AHCYL2: variants seen among roughly 807,000 people sequenced by gnomAD.
The protein encoded by AHCYL2 is S-adenosylhomocysteine hydrolase-like protein 2.
A neutral mutation model predicts 81.4 loss-of-function variants in AHCYL2; 28 were observed. The observed-to-expected ratio is 0.34, with a 90% CI of 0.25 to 0.47. AHCYL2 has a LOEUF of 0.47. AHCYL2 is among the 20% of genes least tolerant of loss of function. The probability of loss-of-function intolerance (pLI) is 1.00; values close to 1 mark genes in which losing one functional copy is unlikely to be tolerated. For synonymous variants in AHCYL2, 272 were observed against 290.2 expected (o/e 0.94, Z 0.64); for missense variants, 551 against 785.1 (o/e 0.70, Z 3.56).
chr7:129,379,861 A>G, intron 2 of AHCYL2, 112 bp downstream of exon 2: 1 of 725,956 alleles, frequency 1.4e-6, no homozygotes, highest in Non-Finnish European at 2.1e-6. Flanking sequence ...TGCTTTGAAT[A>G]AATACTTCGA....
intron 1 of AHCYL2, among the ~76,000 whole-genome samples, chr7:129,233,221 C>G (rs1794511038): frequency 6.6e-6 from 1 of 152,156 alleles, no homozygotes; most frequent in African/African-American, 2.4e-5. Context: ...GTCTCCCTCT[C>G]TCACCCAGGC....
At chr7:129,258,667 G>A (rs1795515064) in intron 1 of AHCYL2, among the ~76,000 whole-genome samples, 1 of 151,558 alleles carries the variant, frequency 6.6e-6, no homozygotes, top group African/African-American at 2.4e-5. Flanking sequence ...AGAATGGAGT[G>A]TAGGAAACAA....
At chr7:129,263,801 A>G (rs1219653210) in intron 1 of AHCYL2, among the ~76,000 whole-genome samples, 1 of 152,212 alleles carries the variant, frequency 6.6e-6, no homozygotes, top group Admixed American at 6.5e-5. Flanking sequence ...TTGTGTAGAA[A>G]GAATTTTTAG....
At chr7:129,299,369 G>GTTTTTTTTTTTTTTTTTTT (rs71162592) in intron 1 of AHCYL2, among the ~76,000 whole-genome samples, 2 of 46,306 alleles carry the variant, frequency 4.3e-5, no homozygotes, top group African/African-American at 8.2e-5. Flanking sequence ...AGTCCAACTT[G>GTTTTTTTTTTTTTTTTTTT]TTTTTTTTTT....
intron 1 of AHCYL2, among the ~76,000 whole-genome samples, chr7:129,260,933 C>T (rs574217129): frequency 3.3e-5 from 5 of 152,254 alleles, no homozygotes; most frequent in South Asian, 2.1e-4. Flanking sequence ...GGATTACAGG[C>T]GTACGCCACC....
intron 1 of AHCYL2, among the ~76,000 whole-genome samples, chr7:129,266,729 G>A (rs1361851848): frequency 6.6e-6 from 1 of 152,078 alleles, no homozygotes; most frequent in Non-Finnish European, 1.5e-5. Context: ...ATCCAAAGCT[G>A]AATAAAATAT....
chr7:129,321,460 T>G (rs961523459), intron 1 of AHCYL2, among the ~76,000 whole-genome samples: 1 of 152,210 alleles, frequency 6.6e-6, no homozygotes, highest in African/African-American at 2.4e-5. Context: ...TAGTAAGTTA[T>G]ATTGATTGAT....
intron 1 of AHCYL2, among the ~76,000 whole-genome samples, chr7:129,292,640 A>G (rs1796907188): frequency 6.6e-6 from 1 of 152,008 alleles, no homozygotes; most frequent in African/African-American, 2.4e-5. Context: ...GGTGGCACAC[A>G]CCAGTAATCC....
At chr7:129,318,448 A>G (rs1346487506) in intron 1 of AHCYL2, among the ~76,000 whole-genome samples, 1 of 152,220 alleles carries the variant, frequency 6.6e-6, no homozygotes, top group Non-Finnish European at 1.5e-5. Context: ...TCAAAATTAT[A>G]TTCCTTAAAA....
chr7:129,299,369 G>GTTTTTTTTTTTTTTTTTTTTT (rs71162592), intron 1 of AHCYL2, among the ~76,000 whole-genome samples: 1 of 46,306 alleles, frequency 2.2e-5, no homozygotes, highest in East Asian at 9.1e-4. Flanking sequence ...AGTCCAACTT[G>GTTTTTTTTTTTTTTTTTTTTT]TTTTTTTTTT....
chr7:129,283,762 C>T (rs1796530562), intron 1 of AHCYL2, among the ~76,000 whole-genome samples: 1 of 152,098 alleles, frequency 6.6e-6, no homozygotes. Flanking sequence ...GAGGTCTGAA[C>T]TCAGCATCAC....
At position 129,430,077 on chromosome 7, in the gene AHCYL2, A is replaced by T. The variant is rs1797523431; in HGVS notation, c.*3032A>T. The T allele has an allele frequency of 6.6e-6, 1 of 152,016 alleles. No homozygotes were observed. The highest frequency in any genetic ancestry group is 2.1e-4 in the South Asian group (1 of 4,818). The allele number at this position is 152,016 out of a possible 1,614,324, so 9.4% of individuals were successfully genotyped here. ...CGTAATCATCTAGTTCTGTCATCTT[A>T]CTGAAAGGAATAACACTTCTAAAGA... On this transcript the variant is annotated 3_prime_UTR_variant, in exon 17 of 17. Coordinates refer to ENST00000325006, the MANE Select transcript of AHCYL2 (RefSeq NM_015328.4).
intron 1 of AHCYL2, among the ~76,000 whole-genome samples, chr7:129,235,703 T>G (rs1563160823): frequency 1.3e-5 from 2 of 152,304 alleles, no homozygotes; most frequent in East Asian, 3.9e-4. Context: ...TTATAATAAC[T>G]TGTACATAAA....
At chr7:129,290,313 C>T (rs999823404) in intron 1 of AHCYL2, among the ~76,000 whole-genome samples, 33 of 150,952 alleles carry the variant, frequency 2.2e-4, no homozygotes, top group Admixed American at 1.8e-3. Context: ...CCATTCTGGC[C>T]AACATGGTGA....
In AHCYL2 at chr7:129,274,464, C is replaced by T. The variant is rs144026588; in HGVS notation, c.363+49025C>T. Among the ~76,000 whole-genome samples, 902 of 152,208 alleles carry T rather than the reference C, an allele frequency of 5.9e-3. 6 individuals carry two copies. Among genetic ancestry groups the T allele is most frequent in the Admixed American group, 9.8e-3 (150 of 15,294 alleles). On this transcript the variant is annotated intron_variant, in intron 1 of 16. Coordinates refer to ENST00000325006, the MANE Select transcript of AHCYL2 (RefSeq NM_015328.4). ...TGCATGTGGGAGGGCCTTGTTGGGGCCAGAGGGTGGTCTGTGGTAGCTTGT... is the reference window on the plus strand; with the variant it reads ...TGCATGTGGGAGGGCCTTGTTGGGGTCAGAGGGTGGTCTGTGGTAGCTTGT...
chr7:129,416,614 A>G (rs1796864755), intron 12 of AHCYL2, among the ~76,000 whole-genome samples: 1 of 152,140 alleles, frequency 6.6e-6, no homozygotes, highest in African/African-American at 2.4e-5. Flanking sequence ...CCTGGCTAAC[A>G]TGGTGAAACC....
intron 4 of AHCYL2, among the ~76,000 whole-genome samples, chr7:129,391,900 T>C (rs1189008271): frequency 1.3e-5 from 2 of 152,230 alleles, no homozygotes; most frequent in Non-Finnish European, 2.9e-5. Flanking sequence ...AAAAGCTATC[T>C]GTTTTGGAGC....
chr7:129,311,987 TTTC>T (rs1242947994), intron 1 of AHCYL2, among the ~76,000 whole-genome samples: 6 of 152,196 alleles, frequency 3.9e-5, no homozygotes, highest in Non-Finnish European at 7.3e-5. Flanking sequence ...CACTCTTTTT[TTTC>T]TTCTTCTTTT....
At position 129,236,287 on chromosome 7, in the gene AHCYL2, G is replaced by C. The variant is rs928223596; in HGVS notation, c.363+10848G>C. 5.9e-5 allele frequency among the ~76,000 whole-genome samples: 9 copies of C among 151,746 alleles called. 1 individual carries two copies. The East Asian group carries it at 1.4e-3, about 23-fold the overall frequency. ...GTGATCTCAGCTCACTGCAACCTCC[G>C]TCTTTCAGGTTCAAGCGATTCTCTT... On this transcript the variant is annotated intron_variant, in intron 1 of 16. Transcript: ENST00000325006.
Sources: gnomAD v4.1 joint callset for allele counts (sites outside exome capture counted in the v4.1 genomes callset) on GRCh38, gnomAD v4.1.1 for gene constraint, MANE v1.5 for transcripts, NCBI Gene and HGNC (gene_info 2026-07-23, HGNC 2026-07-21) for gene names.